Variants in L2HGDH observed in about 807,000 individuals in gnomAD.
L2HGDH encodes L-2-hydroxyglutarate dehydrogenase, mitochondrial.
A neutral mutation model predicts 51.5 loss-of-function variants in L2HGDH; 34 were observed. The observed-to-expected ratio is 0.66, with a 90% CI of 0.50 to 0.88. The LOEUF (loss-of-function observed/expected upper bound fraction) is 0.88. Ranked by LOEUF, L2HGDH falls within the 40% of genes least tolerant of loss-of-function variation. L2HGDH has a pLI of 0.00. For missense variants in L2HGDH, 558 were observed against 571.9 expected (o/e 0.98, Z 0.25); for synonymous variants, 198 against 197.9 (o/e 1.00, Z -0.01).
chr14:50,285,530 A>G (rs1371588728), intron 4 of L2HGDH, among the ~76,000 whole-genome samples: 1 of 152,200 alleles, frequency 6.6e-6, no homozygotes, highest in Non-Finnish European at 1.5e-5. Context: ...TCTATAAACA[A>G]TATTTTGGGT....
At chr14:50,265,524 A>G in intron 8 of L2HGDH, 35 bp from the exon 9 acceptor site, 1 of 1,576,542 alleles carries the variant, frequency 6.3e-7, no homozygotes, top group Non-Finnish European at 8.7e-7. Flanking sequence ...TATGAGAGAA[A>G]GGAATTCTTT....
At chr14:50,266,573 T>G (rs1377995573) in intron 8 of L2HGDH, among the ~76,000 whole-genome samples, 2 of 152,124 alleles carry the variant, frequency 1.3e-5, no homozygotes, top group Admixed American at 6.6e-5. Context: ...TCCCAGGAGG[T>G]TGAGGCTGCA....
At chr14:50,306,380 T>C (rs2030728684) in intron 1 of L2HGDH, among the ~76,000 whole-genome samples, 1 of 152,168 alleles carries the variant, frequency 6.6e-6, no homozygotes, top group South Asian at 2.1e-4. Context: ...TTGATATCTA[T>C]ATCAATTACA....
At chr14:50,249,973 C>T (rs1246125569) in intron 9 of L2HGDH, among the ~76,000 whole-genome samples, 2 of 144,244 alleles carry the variant, frequency 1.4e-5, no homozygotes, top group Non-Finnish European at 3.0e-5. Context: ...GTGACCTCGG[C>T]TCACTGCAAC....
At chr14:50,267,689 G>T in intron 8 of L2HGDH, 64 bp downstream of exon 8, 1 of 1,305,034 alleles carries the variant, frequency 7.7e-7, no homozygotes, top group Non-Finnish European at 1.1e-6. Flanking sequence ...TATCAAGAAA[G>T]ACAAAACTTC....
At position 50,304,102 on chromosome 14, in the gene L2HGDH, T is replaced by A. The variant is rs141978215; in HGVS notation, c.141-1085A>T. 1.1e-3 allele frequency among the ~76,000 whole-genome samples: 163 copies of A among 152,346 alleles called. 1 individual carries two copies. In the East Asian group the frequency reaches 0.025, roughly 23 times the overall value. ...CACCTAGGCTATATGGGATAGCTTA[T>A]TGCTCCTAGGCTACAAGCCTGTACA... On this transcript the variant is annotated intron_variant, in intron 1 of 9. Transcript: ENST00000267436.
chr14:50,283,972 G>GACAAAGCCACCTGCCGATAGTCC lies in L2HGDH; in HGVS notation c.579_601dup (p.Ser201TrpfsTer22). The GACAAAGCCACCTGCCGATAGTCC allele has an allele frequency of 6.2e-7, 1 of 1,614,020 alleles. No homozygotes were observed. Among genetic ancestry groups the GACAAAGCCACCTGCCGATAGTCC allele is most frequent in the Non-Finnish European group, 8.5e-7 (1 of 1,179,972 alleles). ...TGCTTCTTGGAAATCCTGGGCAAAT[G>GACAAAGCCACCTGCCGATAGTCC]ACAAAGCCACCTGCCGATAGTCCAC... On this transcript the variant is annotated frameshift_variant, in exon 5 of 10. Coordinates refer to ENST00000267436, the MANE Select transcript of L2HGDH (RefSeq NM_024884.3). LOFTEE classifies it high-confidence loss of function.
intron 5 of L2HGDH, among the ~76,000 whole-genome samples, chr14:50,282,092 G>A (rs551902487): frequency 7.9e-5 from 12 of 152,034 alleles, no homozygotes; most frequent in African/African-American, 2.7e-4. Flanking sequence ...CGCCCGCCTC[G>A]GCCTCCCAAA....
intron 9 of L2HGDH, among the ~76,000 whole-genome samples, chr14:50,249,015 G>A (rs1888175750): frequency 6.6e-6 from 1 of 152,204 alleles, no homozygotes; most frequent in Non-Finnish European, 1.5e-5. Context: ...AGGGTACAGT[G>A]GCTGGGGGCC....
chr14:50,270,422 G>C (rs1199036111), intron 6 of L2HGDH, among the ~76,000 whole-genome samples: 1 of 152,244 alleles, frequency 6.6e-6, no homozygotes, highest in South Asian at 2.1e-4. Flanking sequence ...CTTCTTCCCA[G>C]ATGACCTATT....
At chr14:50,284,891 T>A (rs186915095) in intron 4 of L2HGDH, among the ~76,000 whole-genome samples, 270 of 152,352 alleles carry the variant, frequency 1.8e-3, no homozygotes, top group South Asian at 4.3e-3. Context: ...TGTAAAGATC[T>A]CACTCTTGTA....
chr14:50,305,567 T>C (rs1026185534), intron 1 of L2HGDH, among the ~76,000 whole-genome samples: 2 of 152,250 alleles, frequency 1.3e-5, no homozygotes, highest in Admixed American at 1.3e-4. Flanking sequence ...AATAAACAGA[T>C]GTTTTATGGA....
chr14:50,292,657 G>C (rs1890947315), intron 4 of L2HGDH, among the ~76,000 whole-genome samples: 1 of 152,156 alleles, frequency 6.6e-6, no homozygotes, highest in Admixed American at 6.5e-5. Flanking sequence ...GGTGAGCTGA[G>C]ATTGCGCCAT....
chr14:50,293,317 C>A, intron 4 of L2HGDH: 1 of 699,234 alleles, frequency 1.4e-6, no homozygotes, highest in Non-Finnish European at 2.6e-6. Flanking sequence ...TGACCCCTAA[C>A]TTATACCATA....
intron 2 of L2HGDH, 115 bp from the exon 3 acceptor site, chr14:50,302,283 C>G: frequency 8.9e-7 from 1 of 1,127,664 alleles, no homozygotes; most frequent in Non-Finnish European, 1.3e-6. Flanking sequence ...TAAAATTCTG[C>G]CTGAATTTGT....
At chr14:50,295,376 TA>T (rs2029967343) in intron 3 of L2HGDH, among the ~76,000 whole-genome samples, 2 of 151,912 alleles carry the variant, frequency 1.3e-5, no homozygotes, top group African/African-American at 4.8e-5. Context: ...CCCTGTCTCT[TA>T]AAAAAATTTG....
intron 9 of L2HGDH, among the ~76,000 whole-genome samples, chr14:50,260,498 G>C (rs536896046): frequency 4.1e-4 from 63 of 152,264 alleles, no homozygotes; most frequent in African/African-American, 1.4e-3. Flanking sequence ...AAGCCCCTCA[G>C]TTATTAAAAT....
chr14:50,295,008 C>G (rs2029945733), intron 3 of L2HGDH, among the ~76,000 whole-genome samples: 1 of 151,986 alleles, frequency 6.6e-6, no homozygotes, highest in Non-Finnish European at 1.5e-5. Context: ...AATAATTAAC[C>G]TTAAAAACAG....
intron 4 of L2HGDH, among the ~76,000 whole-genome samples, chr14:50,287,488 A>G (rs1319387462): frequency 6.6e-6 from 1 of 151,136 alleles, no homozygotes; most frequent in Admixed American, 6.6e-5. Flanking sequence ...TTTTTTTTTG[A>G]TATGCATCTT....
Sources: gnomAD v4.1 joint callset for allele counts (sites outside exome capture counted in the v4.1 genomes callset) on GRCh38, gnomAD v4.1.1 for gene constraint, MANE v1.5 for transcripts, NCBI Gene and HGNC (gene_info 2026-07-23, HGNC 2026-07-21) for gene names.